The following KCNK3 variants were observed in gnomAD, a reference collection of about 807,000 sequenced individuals.
The protein encoded by KCNK3 is potassium two pore domain channel subfamily K member 3.
In KCNK3, 9 loss-of-function variants were observed where a neutral mutation model predicts 27.3. The observed-to-expected ratio is 0.33, with a 90% confidence interval of 0.20 to 0.57. KCNK3 has a LOEUF of 0.57. KCNK3 is among the 20% of genes least tolerant of loss of function. The pLI is 0.87. For missense variants in KCNK3, 391 were observed against 577.7 expected (o/e 0.68, Z 3.31); for synonymous variants, 278 against 273.8 (o/e 1.02, Z -0.15).
At chr2:26,702,980 G>A (rs1231509230) in intron 1 of KCNK3, among the ~76,000 whole-genome samples, 1 of 152,132 alleles carries the variant, frequency 6.6e-6, no homozygotes, top group Admixed American at 6.5e-5. Flanking sequence ...GCCGGGCATG[G>A]TAGGGGGCAC....
At chr2:26,704,382 A>G (rs1415841280) in intron 1 of KCNK3, among the ~76,000 whole-genome samples, 1 of 151,886 alleles carries the variant, frequency 6.6e-6, no homozygotes, top group Non-Finnish European at 1.5e-5. Context: ...CCCTCCCACA[A>G]ATCCAAATTT....
At chr2:26,720,148 G>A (rs561255603) in intron 1 of KCNK3, among the ~76,000 whole-genome samples, 3 of 152,190 alleles carry the variant, frequency 2.0e-5, no homozygotes, top group Admixed American at 6.5e-5. Flanking sequence ...ACAGCTACTC[G>A]GGAGGCTGAG....
intron 1 of KCNK3, among the ~76,000 whole-genome samples, chr2:26,707,080 G>A (rs1324093784): frequency 6.6e-6 from 1 of 152,158 alleles, no homozygotes; most frequent in Non-Finnish European, 1.5e-5. Flanking sequence ...CTTCCTCTGT[G>A]TCTAGTCCCA....
rs1558607601 is a variant in KCNK3, at chr2:26,733,374, G to A, written c.*4806G>A. On this transcript the variant is annotated 3_prime_UTR_variant, in exon 2 of 2. Coordinates refer to ENST00000302909, the MANE Select transcript of KCNK3 (RefSeq NM_002246.3). Reference sequence around the variant, plus strand: ...CAATATCACCGACTCATGGAGCTTCGCAAGGCATCTTAGCTTAATAAAGGT... The same window carrying A: ...CAATATCACCGACTCATGGAGCTTCACAAGGCATCTTAGCTTAATAAAGGT... The A allele has an allele frequency of 6.6e-6, 1 of 152,172 alleles. No homozygotes were observed. The highest frequency in any genetic ancestry group is 1.5e-5 in the Non-Finnish European group (1 of 68,032). The allele number at this position is 152,172 out of a possible 1,614,324, so 9.4% of individuals were successfully genotyped here.
rs147334522 is a variant in KCNK3 at position 26,722,105 on chromosome 2, C to G, written c.284-5562C>G. On this transcript the variant is annotated intron_variant, in intron 1 of 1. Transcript: ENST00000302909. The stretch of plus-strand genomic sequence containing the variant: ...CTCCACGGTCAAGGAAGTGGGAAGA[C>G]AGGCACCTTTTCCTGGCCTTGATCG... Among the ~76,000 whole-genome samples the G allele has an allele frequency of 3.8e-4, 58 of 152,324 alleles. 1 individual carries two copies. The East Asian group carries it at 0.011, about 28-fold the overall frequency.
intron 1 of KCNK3, among the ~76,000 whole-genome samples, chr2:26,711,873 G>T (rs10183982): frequency 0.055 from 8,313 of 152,218 alleles, 749 homozygotes; most frequent in African/African-American, 0.19. Context: ...GGGCTGGGGG[G>T]AGGGAGCAGG....
chr2:26,724,619 G>A (rs1305686745), intron 1 of KCNK3: 1 of 985,394 alleles, frequency 1.0e-6, no homozygotes, highest in South Asian at 4.7e-5. Context: ...TGAGCCCTGG[G>A]GGCATGTGAC....
intron 1 of KCNK3, among the ~76,000 whole-genome samples, chr2:26,706,293 C>A (rs1468557743): frequency 1.4e-5 from 2 of 143,038 alleles, no homozygotes; most frequent in Non-Finnish European, 3.2e-5. Context: ...CGTTTCCCCT[C>A]CCCCCCAGAG....
intron 1 of KCNK3, among the ~76,000 whole-genome samples, chr2:26,709,409 A>T (rs1023103643): frequency 1.3e-5 from 2 of 152,114 alleles, no homozygotes; most frequent in Non-Finnish European, 2.9e-5. Context: ...GCCTGCCAGG[A>T]GATGGGAAGG....
At position 26,712,296 on chromosome 2, in the gene KCNK3, G is replaced by A. The variant is rs1663133111; in HGVS notation, c.284-15371G>A. ...GACAACTGTTTGCTGTCTCCACGGA[G>A]GACAGACTGAGTCAAGCAACCGAAG... On this transcript the variant is annotated intron_variant, in intron 1 of 1. Transcript: ENST00000302909. Among the ~76,000 whole-genome samples, 3 of 152,340 alleles carry A rather than the reference G, an allele frequency of 2.0e-5. No individual in the cohort carries two copies. The South Asian group carries it at 6.2e-4, about 32-fold the overall frequency.
intron 1 of KCNK3, among the ~76,000 whole-genome samples, chr2:26,699,580 A>G (rs1670282332): frequency 6.6e-6 from 1 of 152,244 alleles, no homozygotes; most frequent in South Asian, 2.1e-4. Context: ...TAATTAAAAA[A>G]ATGTAGAAAT....
chr2:26,696,460 C>T (rs1670236502), intron 1 of KCNK3, among the ~76,000 whole-genome samples: 1 of 152,204 alleles, frequency 6.6e-6, no homozygotes, highest in Non-Finnish European at 1.5e-5. Flanking sequence ...CACAGCCAAG[C>T]CGTGCTTAGT....
At chr2:26,722,602 C>T (rs1663345845) in intron 1 of KCNK3, among the ~76,000 whole-genome samples, 1 of 152,246 alleles carries the variant, frequency 6.6e-6, no homozygotes, top group East Asian at 1.9e-4. Context: ...GATCCTCTCC[C>T]TGTGTTCAGT....
Position 26,692,833 on chromosome 2 carries a change from G to C in KCNK3, c.-43G>C. 4.5e-6 allele frequency: 5 copies of C among 1,112,498 alleles called. No homozygotes were observed. The highest frequency in any genetic ancestry group is 5.5e-6 in the Non-Finnish European group (5 of 907,860). 68.9% of individuals were successfully genotyped at this position (1,112,498 alleles called of 1,614,324 possible). A position where few individuals can be genotyped will look rare whatever the true frequency, so the allele number is the denominator to read the frequency against. ...GCAGCGGCGGCCGGGGCCGAGGCGC[G>C]GGCCGGGGGCGCCGGGGGGCCGGCG... On this transcript the variant is annotated 5_prime_UTR_variant, in exon 1 of 2. Coordinates refer to ENST00000302909, the MANE Select transcript of KCNK3 (RefSeq NM_002246.3). This position sits in a 1 kb window ranked among gnomAD's most constrained non-coding sequence, Gnocchi z 5.6.
Position 26,692,865 on chromosome 2 carries a change from C to G in KCNK3, c.-11C>G, listed in dbSNP as rs1317932325. On this transcript the variant is annotated 5_prime_UTR_variant, in exon 1 of 2. Transcript: ENST00000302909. The surrounding 1 kb of genome is among the most constrained non-coding windows in gnomAD (Gnocchi z 5.6). The stretch of plus-strand genomic sequence containing the variant: ...GGGCGCCGGGGGGCCGGCGGCGGCC[C>G]GGGCGGGACGATGAAGCGGCAGAAC... The G allele has an allele frequency of 6.4e-6, 8 of 1,255,092 alleles. No homozygotes were observed. In the East Asian group the frequency reaches 2.2e-4, roughly 35 times the overall value. The allele number at this position is 1,255,092 out of a possible 1,614,324, so 77.7% of individuals were successfully genotyped here. A position where few individuals can be genotyped will look rare whatever the true frequency, so the allele number is the denominator to read the frequency against.
intron 1 of KCNK3, among the ~76,000 whole-genome samples, chr2:26,696,886 C>T (rs1479705031): frequency 6.6e-6 from 1 of 152,172 alleles, no homozygotes; most frequent in Non-Finnish European, 1.5e-5. Flanking sequence ...ACTCCTTCTA[C>T]TTGTTCAGGA....
At chr2:26,708,303 T>C (rs1331370777) in intron 1 of KCNK3, among the ~76,000 whole-genome samples, 1 of 152,042 alleles carries the variant, frequency 6.6e-6, no homozygotes, top group African/African-American at 2.4e-5. Flanking sequence ...GGCTGTGGCA[T>C]GCTGAGTGAA....
At chr2:26,711,631 G>A (rs765778697) in intron 1 of KCNK3, among the ~76,000 whole-genome samples, 12 of 152,176 alleles carry the variant, frequency 7.9e-5, no homozygotes, top group Admixed American at 2.0e-4. Flanking sequence ...CTGTGGCTCC[G>A]TTACTGCATC....
intron 1 of KCNK3, among the ~76,000 whole-genome samples, chr2:26,711,883 G>T (rs1314925992): frequency 6.6e-6 from 1 of 152,158 alleles, no homozygotes. Context: ...GAGGGAGCAG[G>T]GTAGCACTGT....
Sources: allele counts gnomAD v4.1 joint callset (sites outside exome capture counted in the v4.1 genomes callset), GRCh38; gene constraint gnomAD v4.1.1; non-coding constraint Gnocchi (gnomAD v3.1); transcripts MANE v1.5; gene names NCBI Gene and HGNC (gene_info 2026-07-23, HGNC 2026-07-21).